Variants in AGBL4 observed in about 807,000 individuals in gnomAD.
AGBL4 encodes the protein cytosolic carboxypeptidase 6.
In AGBL4, 58 loss-of-function variants were observed where a neutral mutation model predicts 66.4. The ratio of observed to expected loss-of-function variants is 0.87; its 90% confidence interval spans 0.71 to 1.09. The LOEUF is 1.09. AGBL4 is among the 50% of genes least tolerant of loss of function. The pLI is 0.00. For missense variants in AGBL4, 579 were observed against 631.0 expected, an observed-to-expected ratio of 0.92 and a Z score of 0.88; for synonymous variants, 234 against 222.9, an observed-to-expected ratio of 1.05 and a Z score of -0.44.
Position 49,319,518 on chromosome 1 carries a change from T to A in AGBL4, c.283-73654A>T, listed in dbSNP as rs560175957. Among the ~76,000 whole-genome samples, 431 of 152,234 alleles carry A rather than the reference T, an allele frequency of 2.8e-3. 3 individuals are homozygous for A. The highest frequency in any genetic ancestry group is 9.8e-3 in the African/African-American group (408 of 41,538). ...TACCCATTATCCTTACTATGCTACC[T>A]CCTAGTTCAAGATGGCTGATCAAAC... On this transcript the variant is annotated intron_variant, in intron 3 of 13. Coordinates refer to ENST00000371839, the MANE Select transcript of AGBL4 (RefSeq NM_032785.4).
chr1:49,519,482 T>A (rs1166306525), intron 3 of AGBL4, among the ~76,000 whole-genome samples: 4 of 152,096 alleles, frequency 2.6e-5, no homozygotes. Context: ...CATCCTGTTT[T>A]ACAGGTGAAA....
chr1:49,107,706 AGAGAGAG>A (rs1645323942), intron 4 of AGBL4, among the ~76,000 whole-genome samples: 1 of 146,000 alleles, frequency 6.8e-6, no homozygotes, highest in Non-Finnish European at 1.5e-5. Flanking sequence ...AGAGAGAGAG[AGAGAGAG>A]AGAGAGAGAG....
At chr1:49,747,335 C>A (rs931442601) in intron 2 of AGBL4, among the ~76,000 whole-genome samples, 1 of 152,084 alleles carries the variant, frequency 6.6e-6, no homozygotes, top group African/African-American at 2.4e-5. Flanking sequence ...CCTACCTCCA[C>A]GAAATTTTCT....
chr1:48,532,454 TG>T (rs1280593540), downstream of AGBL4, among the ~76,000 whole-genome samples: 1 of 152,214 alleles, frequency 6.6e-6, no homozygotes, highest in Non-Finnish European at 1.5e-5. Flanking sequence ...CTGCTGTTTG[TG>T]TAGTCTATGA....
intron 6 of AGBL4, among the ~76,000 whole-genome samples, chr1:48,784,449 T>C (rs928578413): frequency 3.3e-5 from 5 of 152,140 alleles, no homozygotes; most frequent in Non-Finnish European, 5.9e-5. Context: ...TGGGTCACAG[T>C]CACTAAAGAA....
intron 8 of AGBL4, among the ~76,000 whole-genome samples, chr1:48,640,961 T>C (rs1645745310): frequency 6.6e-6 from 1 of 152,096 alleles, no homozygotes. Flanking sequence ...CATTCTCCTC[T>C]GAAGAAGGAT....
chr1:49,615,584 C>G (rs953701555), intron 3 of AGBL4, among the ~76,000 whole-genome samples: 1 of 151,988 alleles, frequency 6.6e-6, no homozygotes, highest in Non-Finnish European at 1.5e-5. Flanking sequence ...ATAATCTTCT[C>G]ATACAGAGAT....
intron 2 of AGBL4, among the ~76,000 whole-genome samples, chr1:49,764,647 T>C (rs1264907134): frequency 6.6e-6 from 1 of 152,118 alleles, no homozygotes; most frequent in Non-Finnish European, 1.5e-5. Flanking sequence ...CAAGGGCTTG[T>C]GGTCAGGCCA....
chr1:49,372,633 TTC>T (rs997994679), intron 3 of AGBL4, among the ~76,000 whole-genome samples: 1 of 134,342 alleles, frequency 7.4e-6, no homozygotes, highest in African/African-American at 3.3e-5. Context: ...CTTTCTTTCT[TTC>T]TTTCTTTCTT....
intron 6 of AGBL4, chr1:48,742,703 A>G: frequency 1.2e-6 from 2 of 1,611,424 alleles, no homozygotes; most frequent in Non-Finnish European, 1.7e-6. Flanking sequence ...TCCTCACTGA[A>G]AGTGCTCCGT....
In AGBL4 at chr1:50,023,925, G is replaced by C; in HGVS notation, c.-129C>G. On this transcript the variant is annotated 5_prime_UTR_variant, in exon 1 of 14. Coordinates refer to ENST00000371839, the MANE Select transcript of AGBL4 (RefSeq NM_032785.4). Reference sequence around the variant, plus strand: ...CACGACGGTTGCCTGGGCAACGGGCGGCAGGCGCGCGGGTGGCCGGCGCGC... The same window carrying C: ...CACGACGGTTGCCTGGGCAACGGGCCGCAGGCGCGCGGGTGGCCGGCGCGC... The C allele has an allele frequency of 9.0e-7, 1 of 1,105,770 alleles. No individual in the cohort carries two copies. Among genetic ancestry groups the C allele is most frequent in the Non-Finnish European group, 1.2e-6 (1 of 813,920 alleles). 68.5% of individuals were successfully genotyped at this position (1,105,770 alleles called of 1,614,324 possible).
chr1:49,545,756 A>G (rs1452779783), intron 3 of AGBL4, among the ~76,000 whole-genome samples: 1 of 152,252 alleles, frequency 6.6e-6, no homozygotes, highest in Non-Finnish European at 1.5e-5. Flanking sequence ...TTTTAAAGTT[A>G]TACAACTATG....
chr1:49,775,169 T>A (rs1227707417), intron 2 of AGBL4, among the ~76,000 whole-genome samples: 4 of 152,162 alleles, frequency 2.6e-5, no homozygotes, highest in African/African-American at 9.7e-5. Context: ...GAGCACGTGA[T>A]CTGGAATTAT....
At chr1:49,870,035 T>C (rs570123031) in intron 1 of AGBL4, among the ~76,000 whole-genome samples, 2 of 152,318 alleles carry the variant, frequency 1.3e-5, no homozygotes, top group South Asian at 2.1e-4. Context: ...GATTTGATCA[T>C]TGTATATTGC....
intron 10 of AGBL4, among the ~76,000 whole-genome samples, chr1:48,588,144 C>A (rs1644854076): frequency 6.6e-6 from 1 of 152,064 alleles, no homozygotes; most frequent in Non-Finnish European, 1.5e-5. Flanking sequence ...AGAGGTGGAG[C>A]AAGTAAGTGA....
At chr1:48,985,487 G>A (rs1660112846) in intron 5 of AGBL4, among the ~76,000 whole-genome samples, 1 of 152,128 alleles carries the variant, frequency 6.6e-6, no homozygotes, top group Admixed American at 6.6e-5. Context: ...TACTCACACA[G>A]GGCTAAGAAC....
chr1:49,644,344 C>T (rs1200971228), intron 3 of AGBL4, among the ~76,000 whole-genome samples: 2 of 151,502 alleles, frequency 1.3e-5, no homozygotes, highest in Non-Finnish European at 3.0e-5. Flanking sequence ...AACACTCTAA[C>T]TAAAAGGAAG....
intron 3 of AGBL4, among the ~76,000 whole-genome samples, chr1:49,400,140 GT>G (rs550390067): frequency 4.6e-4 from 70 of 152,156 alleles, no homozygotes; most frequent in African/African-American, 1.2e-3. Context: ...AAGAGACTGT[GT>G]TTTCCCCAGT....
chr1:49,587,563 C>T (rs1449373496), intron 3 of AGBL4, among the ~76,000 whole-genome samples: 5 of 152,122 alleles, frequency 3.3e-5, no homozygotes, highest in African/African-American at 1.2e-4. Context: ...AAATTAAATA[C>T]CCGCTAGCTG....
Sources: allele counts gnomAD v4.1 joint callset (sites outside exome capture counted in the v4.1 genomes callset), GRCh38; gene constraint gnomAD v4.1.1; transcripts MANE v1.5; gene names NCBI Gene and HGNC (gene_info 2026-07-23, HGNC 2026-07-21).